The following CAPRIN1 variants were observed in gnomAD, a reference collection of about 807,000 sequenced individuals.
The protein encoded by CAPRIN1 is caprin-1.
A neutral mutation model predicts 100.9 loss-of-function variants in CAPRIN1; 29 were observed. That is an observed-to-expected ratio of 0.29 (90% CI 0.21 to 0.39). The LOEUF (loss-of-function observed/expected upper bound fraction) is 0.39, where lower values mean the gene tolerates loss of function less well. CAPRIN1 is among the 10% of genes least tolerant of loss of function. The probability of loss-of-function intolerance (pLI) is 1.00; values close to 1 mark genes in which losing one functional copy is unlikely to be tolerated. For synonymous variants in CAPRIN1, 338 were observed against 307.5 expected, an observed-to-expected ratio of 1.10 and a Z score of -1.04; for missense variants, 795 against 876.7, an observed-to-expected ratio of 0.91 and a Z score of 1.18.
Position 34,101,511 on chromosome 11 carries a change from A to G in CAPRIN1, c.*2144A>G, listed in dbSNP as rs183878322. Among the ~76,000 whole-genome samples, 158 of 152,358 alleles carry G rather than the reference A, an allele frequency of 1.0e-3. No individual in the cohort carries two copies. In the Middle Eastern group the frequency reaches 0.014, roughly 13 times the overall value. On this transcript the variant is annotated 3_prime_UTR_variant, in exon 19 of 19. Coordinates refer to ENST00000341394, the MANE Select transcript of CAPRIN1 (RefSeq NM_005898.5). ...AATGCCTTCTAGGTTTTGAACTTCT[A>G]TGCATTAGTGCAGATGTTGTGAATG...
At chr11:34,068,144 C>A (rs1427708117) in intron 2 of CAPRIN1, among the ~76,000 whole-genome samples, 1 of 152,128 alleles carries the variant, frequency 6.6e-6, no homozygotes, top group East Asian at 1.9e-4. Flanking sequence ...ATGAGTGGAA[C>A]CACAGGGATT....
intron 18 of CAPRIN1, chr11:34,098,509 TC>T: frequency 1.0e-6 from 1 of 985,374 alleles, no homozygotes; most frequent in Non-Finnish European, 1.2e-6. Context: ...AGGTTAAACA[TC>T]AAACAGGTTT....
rs542208336 is a variant in CAPRIN1 at position 34,054,249 on chromosome 11, G to T, written c.216+1613G>T. On this transcript the variant is annotated intron_variant, in intron 2 of 18. Transcript: ENST00000341394. ...CTTTTTTTTCCCAATCCTTTATTTT[G>T]ATAAATGTATGTTTTATTATAGGTA... Among the ~76,000 whole-genome samples, 5 of 151,734 alleles carry T rather than the reference G, an allele frequency of 3.3e-5. No homozygotes were observed. In the South Asian group the frequency reaches 1.0e-3, roughly 32 times the overall value.
At chr11:34,086,558 TA>T (rs1851149220) in intron 11 of CAPRIN1, 145 bp downstream of exon 11, 1 of 565,860 alleles carries the variant, frequency 1.8e-6, no homozygotes, top group African/African-American at 1.9e-5. Context: ...GAAAGAATGT[TA>T]TTGTTCCTAT....
intron 17 of CAPRIN1, 46 bp from the exon 18 acceptor site, chr11:34,097,652 A>AT (rs1851392860): frequency 6.2e-7 from 1 of 1,611,844 alleles, no homozygotes. Flanking sequence ...ATGGGTAAGC[A>AT]TTTTTTAAAA....
chr11:34,092,957 TC>T (rs1305846735), intron 15 of CAPRIN1, among the ~76,000 whole-genome samples: 1 of 151,788 alleles, frequency 6.6e-6, no homozygotes, highest in Non-Finnish European at 1.5e-5. Context: ...GGCTCAATGA[TC>T]CTCCTCCCTC....
intron 9 of CAPRIN1, among the ~76,000 whole-genome samples, chr11:34,085,658 G>A (rs564826619): frequency 9.1e-4 from 138 of 152,204 alleles, no homozygotes; most frequent in African/African-American, 3.2e-3. Flanking sequence ...ACAAAAATTA[G>A]CCGGGTGTGT....
chr11:34,055,934 G>A (rs762221981), intron 2 of CAPRIN1: 5 of 152,120 alleles, frequency 3.3e-5, no homozygotes, highest in Admixed American at 6.5e-5. Flanking sequence ...AAAACCCAGG[G>A]CATTTGGATT....
At chr11:34,052,032 C>T (rs1237174398) in intron 1 of CAPRIN1, 161 bp downstream of exon 1, 6 of 151,476 alleles carry the variant, frequency 4.0e-5, no homozygotes, top group East Asian at 3.9e-4. Flanking sequence ...CAAGCCCCGA[C>T]CTCTCTCTTT....
chr11:34,080,617 T>C (rs771254600), intron 7 of CAPRIN1, among the ~76,000 whole-genome samples: 9 of 152,236 alleles, frequency 5.9e-5, no homozygotes, highest in Non-Finnish European at 1.3e-4. Flanking sequence ...GTGAATACTT[T>C]TATGATAACT....
At chr11:34,086,041 T>C (rs890447308) in intron 9 of CAPRIN1, 23 bp from the exon 10 acceptor site, 26 of 1,611,588 alleles carry the variant, frequency 1.6e-5, no homozygotes, top group Non-Finnish European at 4.2e-6. Context: ...CTATTCCTTC[T>C]AATCCTTTTT....
In CAPRIN1 at chr11:34,074,454, T is replaced by C. The variant is rs534791242; in HGVS notation, c.367-1782T>C. ...GAACTTCTTTAGCCTGGCTCCAGCC[T>C]ACCTTTTCACCTTTTTCCTTCTTGA... On this transcript the variant is annotated intron_variant, in intron 4 of 18. Transcript: ENST00000341394. Among the ~76,000 whole-genome samples, 16 of 152,374 alleles carry C rather than the reference T, an allele frequency of 1.1e-4. No individual in the cohort carries two copies. In the East Asian group the frequency reaches 3.1e-3, roughly 29 times the overall value.
At chr11:34,074,984 C>T (rs1850878590) in intron 4 of CAPRIN1, among the ~76,000 whole-genome samples, 1 of 152,052 alleles carries the variant, frequency 6.6e-6, no homozygotes, top group East Asian at 1.9e-4. Context: ...GTTCAAGACC[C>T]AAGACCAGCC....
intron 7 of CAPRIN1, among the ~76,000 whole-genome samples, chr11:34,080,870 G>A (rs1258886949): frequency 1.3e-5 from 2 of 152,210 alleles, no homozygotes; most frequent in Admixed American, 1.3e-4. Flanking sequence ...TAGAAGTGAA[G>A]ATTGTACATT....
At chr11:34,099,147 G>C (rs964626942) in intron 18 of CAPRIN1, 156 bp from the exon 19 acceptor site, 6 of 1,454,270 alleles carry the variant, frequency 4.1e-6, no homozygotes, top group African/African-American at 1.4e-5. Context: ...ACAACTTCCA[G>C]GACAGGGGAA....
intron 9 of CAPRIN1, 115 bp from the exon 10 acceptor site, chr11:34,085,949 G>A (rs1254065128): frequency 1.1e-5 from 8 of 759,148 alleles, no homozygotes; most frequent in Non-Finnish European, 1.7e-5. Context: ...CTGCATTAAA[G>A]CCCGTTCTGT....
At chr11:34,088,762 T>C (rs1851199802) in intron 11 of CAPRIN1, among the ~76,000 whole-genome samples, 1 of 152,218 alleles carries the variant, frequency 6.6e-6, no homozygotes, top group Non-Finnish European at 1.5e-5. Context: ...TAAAAGTCTT[T>C]TTTCATGGCA....
At chr11:34,066,694 A>G (rs1384141546) in intron 2 of CAPRIN1, among the ~76,000 whole-genome samples, 1 of 121,486 alleles carries the variant, frequency 8.2e-6, no homozygotes, top group African/African-American at 3.4e-5. Flanking sequence ...GCTGGAGTGC[A>G]GTGGCAGTGG....
Position 34,093,114 on chromosome 11 carries a change from T to C in CAPRIN1, c.1705+1058T>C, listed in dbSNP as rs569860458. ...CAACTCCTTGCCTTGAGCGAACTTATTGTCTCTGTCTCCCAGAGTGGTGGG... is the reference window on the plus strand; with the variant it reads ...CAACTCCTTGCCTTGAGCGAACTTACTGTCTCTGTCTCCCAGAGTGGTGGG... On this transcript the variant is annotated intron_variant, in intron 15 of 18. Coordinates refer to ENST00000341394, the MANE Select transcript of CAPRIN1 (RefSeq NM_005898.5). 4.6e-5 allele frequency among the ~76,000 whole-genome samples: 7 copies of C among 151,990 alleles called. No individual in the cohort carries two copies. The East Asian group carries it at 7.7e-4, about 17-fold the overall frequency.
Sources: allele counts gnomAD v4.1 joint callset (sites outside exome capture counted in the v4.1 genomes callset), GRCh38; gene constraint gnomAD v4.1.1; transcripts MANE v1.5; gene names NCBI Gene and HGNC (gene_info 2026-07-23, HGNC 2026-07-21).